CTDP1: variants seen among roughly 807,000 people sequenced by gnomAD.
The protein encoded by CTDP1 is CTD phosphatase 1, also known as RNA polymerase II subunit A C-terminal domain phosphatase.
A neutral mutation model predicts 91.8 loss-of-function variants in CTDP1; 47 were observed. The ratio of observed to expected loss-of-function variants is 0.51; its 90% CI spans 0.41 to 0.65. The LOEUF is 0.65. CTDP1 is among the 30% of genes least tolerant of loss of function. CTDP1 has a pLI of 0.00. For synonymous variants in CTDP1, 656 were observed against 598.5 expected, an observed-to-expected ratio of 1.10 and a Z score of -1.40; for missense variants, 1,272 against 1,373.7, an observed-to-expected ratio of 0.93 and a Z score of 1.17.
At chr18:79,685,599 A>G (rs553390828) in intron 1 of CTDP1, 1 of 152,316 alleles carries the variant, frequency 6.6e-6, no homozygotes, top group South Asian at 2.1e-4. Context: ...TCCAACAGCA[A>G]CGGTATTGCT....
chr18:79,706,334 A>G (rs1341209791), intron 5 of CTDP1, among the ~76,000 whole-genome samples: 1 of 152,090 alleles, frequency 6.6e-6, no homozygotes, highest in African/African-American at 2.4e-5. Flanking sequence ...TAGACCCCCA[A>G]ATCCCCATGT....
intron 1 of CTDP1, among the ~76,000 whole-genome samples, chr18:79,690,876 T>C (rs1194206191): frequency 1.3e-5 from 2 of 152,236 alleles, no homozygotes; most frequent in Non-Finnish European, 2.9e-5. Context: ...TACAGAAAAT[T>C]ACGTGACTCC....
chr18:79,736,119 C>T, intron 11 of CTDP1: 1 of 592,364 alleles, frequency 1.7e-6, no homozygotes, highest in Non-Finnish European at 3.0e-6. Context: ...AATTTAAACC[C>T]AATCTTTGCC....
chr18:79,742,709 G>A (rs2086804211), intron 12 of CTDP1, among the ~76,000 whole-genome samples: 1 of 152,242 alleles, frequency 6.6e-6, no homozygotes, highest in Non-Finnish European at 1.5e-5. Flanking sequence ...TGTAATCCTA[G>A]CACTTTAGGA....
intron 1 of CTDP1, 86 bp downstream of exon 1, chr18:79,680,347 G>A (rs1049665889): frequency 2.5e-5 from 28 of 1,099,036 alleles, no homozygotes; most frequent in East Asian, 2.4e-4. Flanking sequence ...CGTCCGCGGT[G>A]GGCAGGGGCG....
At chr18:79,679,588 G>A (rs564346420), upstream of CTDP1, 1 of 470,754 alleles carries the variant, frequency 2.1e-6, no homozygotes, top group Non-Finnish European at 4.2e-6. Context: ...ACCGTCACTG[G>A]GACTGGGCGA....
At chr18:79,717,052 C>A (rs935363560) in intron 8 of CTDP1, among the ~76,000 whole-genome samples, 1 of 146,992 alleles carries the variant, frequency 6.8e-6, no homozygotes, top group Non-Finnish European at 1.5e-5. Context: ...GCCCTGAGTC[C>A]TGGTGGGTAC....
chr18:79,696,232 G>A (rs924740148), intron 3 of CTDP1, among the ~76,000 whole-genome samples, 162 bp downstream of exon 3: 1 of 152,224 alleles, frequency 6.6e-6, no homozygotes, highest in Non-Finnish European at 1.5e-5. Flanking sequence ...CGGCCTTCCT[G>A]AAGCAGGGAC....
rs142802820 is a variant in CTDP1, at chr18:79,685,929, T to C, written c.314+5668T>C. On this transcript the variant is annotated intron_variant, in intron 1 of 12. Coordinates refer to ENST00000613122, the MANE Select transcript of CTDP1 (RefSeq NM_004715.5). The stretch of plus-strand genomic sequence containing the variant: ...TTCTTCCCTGTTGACGCCTGCACTA[T>C]TTAAAGGATGATACTTTAAAAAAGA... 2.1e-3 allele frequency among the ~76,000 whole-genome samples: 321 copies of C among 152,358 alleles called. 3 individuals are homozygous for C. The highest frequency in any genetic ancestry group is 0.017 in the Middle Eastern group (5 of 294).
intron 1 of CTDP1, among the ~76,000 whole-genome samples, chr18:79,693,444 G>A (rs976716387): frequency 6.6e-6 from 1 of 152,074 alleles, no homozygotes; most frequent in Non-Finnish European, 1.5e-5. Context: ...TCTGGTTTAA[G>A]AAAAAAACCT....
intron 12 of CTDP1, among the ~76,000 whole-genome samples, chr18:79,737,461 C>G (rs564996712): frequency 1.8e-4 from 28 of 152,270 alleles, no homozygotes; most frequent in African/African-American, 5.8e-4. Context: ...GATTAGCTCA[C>G]GGTCCCATCG....
rs146206459 is a variant in CTDP1 at position 79,712,307 on chromosome 18, G to C, written c.864-665G>C. On this transcript the variant is annotated intron_variant, in intron 6 of 12. Transcript: ENST00000613122. ...GTTTTTGTTTTTTTGTTTTTGAGAC[G>C]GTCTGGCTCGGTCGCCCAGGCTTAA... is the stretch of plus-strand genomic sequence containing the variant. Among the ~76,000 whole-genome samples, 949 of 152,176 alleles carry C rather than the reference G, an allele frequency of 6.2e-3. 5 individuals carry two copies. Among genetic ancestry groups the C allele is most frequent in the Middle Eastern group, 0.01 (3 of 294 alleles).
At chr18:79,740,836 AAAAT>A (rs1174615651) in intron 12 of CTDP1, among the ~76,000 whole-genome samples, 24 of 152,240 alleles carry the variant, frequency 1.6e-4, no homozygotes, top group Non-Finnish European at 3.4e-4. Flanking sequence ...TTCACTCCTT[AAAAT>A]AAATCCTCAA....
intron 12 of CTDP1, among the ~76,000 whole-genome samples, chr18:79,748,494 C>T (rs560466989): frequency 2.0e-5 from 3 of 152,332 alleles, no homozygotes; most frequent in South Asian, 4.1e-4. Context: ...GACCCTGTCT[C>T]CCGAGTCAGC....
intron 8 of CTDP1, among the ~76,000 whole-genome samples, chr18:79,717,232 T>A (rs1438322883): frequency 1.4e-5 from 2 of 141,612 alleles, no homozygotes. Flanking sequence ...TGCAGCCGAG[T>A]GAGGGCCCTG....
At chr18:79,751,366 G>A (rs371995121) in intron 12 of CTDP1, among the ~76,000 whole-genome samples, 51 of 152,168 alleles carry the variant, frequency 3.4e-4, no homozygotes, top group African/African-American at 1.1e-3. Flanking sequence ...AGGAGGGAGC[G>A]GGGGAGGGGC....
Position 79,680,239 on chromosome 18 carries a change from C to G in CTDP1, c.292C>G (p.Pro98Ala). The G allele has an allele frequency of 7.6e-7, 1 of 1,312,288 alleles. No individual in the cohort carries two copies. The highest frequency in any genetic ancestry group is 9.7e-7 in the Non-Finnish European group (1 of 1,035,648). 81.3% of individuals were successfully genotyped at this position (1,312,288 alleles called of 1,614,324 possible). A position where few individuals can be genotyped will look rare whatever the true frequency, so the allele number is the denominator to read the frequency against. The change falls in exon 1 of 13, where the codon CCG becomes GCG. Residue 98 changes from proline to alanine, a missense_variant. Physicochemically the swap from Pro to Ala is conservative, Grantham distance 27. Transcript: ENST00000613122. ...CGTGGTGCGGGAGCTGTGCGCGCAG[C>G]CGGGCCAGGTGGTCGCCCCAGGGTG... ...AGVVRELCAQPGQVVAPGAVL... is the reference protein window; with the variant it reads ...AGVVRELCAQAGQVVAPGAVL...
chr18:79,708,861 A>T (rs1037818878), intron 5 of CTDP1, among the ~76,000 whole-genome samples: 3 of 152,224 alleles, frequency 2.0e-5, no homozygotes, highest in Admixed American at 6.5e-5. Flanking sequence ...CTCTTGGGAG[A>T]GTAATAATTA....
chr18:79,733,218 C>T (rs1483848438), intron 11 of CTDP1, among the ~76,000 whole-genome samples: 2 of 152,192 alleles, frequency 1.3e-5, no homozygotes, highest in Non-Finnish European at 2.9e-5. Flanking sequence ...GCTGCGGCCT[C>T]AGCAGAGGAC....
Sources: gnomAD v4.1 joint callset for allele counts (sites outside exome capture counted in the v4.1 genomes callset) on GRCh38, gnomAD v4.1.1 for gene constraint, MANE v1.5 for transcripts, NCBI Gene and HGNC (gene_info 2026-07-23, HGNC 2026-07-21) for gene names.